The following MPP7 variants were observed in gnomAD, a reference collection of about 807,000 sequenced individuals.
MPP7 encodes the protein MAGUK p55 subfamily member 7.
MPP7 carries 60 observed loss-of-function variants against 76.5 expected under a neutral mutation model. That is an observed-to-expected ratio of 0.78 (90% CI 0.64 to 0.97). MPP7 has a LOEUF of 0.97. Ranked by LOEUF, MPP7 falls within the 50% of genes least tolerant of loss-of-function variation. The probability of loss-of-function intolerance (pLI) is 0.00; values close to 1 mark genes in which losing one functional copy is unlikely to be tolerated. For missense variants in MPP7, 641 were observed against 694.0 expected (o/e 0.92, Z 0.86); for synonymous variants, 237 against 244.5 (o/e 0.97, Z 0.29).
At position 28,097,349 on chromosome 10, in the gene MPP7, T is replaced by C. The variant is rs997860644; in HGVS notation, c.953-7508A>G. 1.2e-4 allele frequency among the ~76,000 whole-genome samples: 18 copies of C among 152,082 alleles called. No individual in the cohort carries two copies. In the East Asian group the frequency reaches 3.5e-3, roughly 29 times the overall value. ...TAATAATATCAAATAATAATAATAA[T>C]ATCAGTATAAGTGGTGGTAGTGGTT... On this transcript the variant is annotated intron_variant, in intron 11 of 16. Transcript: ENST00000683449.
chr10:28,244,737 A>G (rs1241166608), intron 1 of MPP7, among the ~76,000 whole-genome samples: 1 of 152,198 alleles, frequency 6.6e-6, no homozygotes, highest in South Asian at 2.1e-4. Context: ...CCCAGGCTTC[A>G]AGGCTGCTAG....
chr10:28,233,615 G>C (rs987528597), intron 2 of MPP7, among the ~76,000 whole-genome samples: 1 of 151,956 alleles, frequency 6.6e-6, no homozygotes, highest in African/African-American at 2.4e-5. Flanking sequence ...CTACTCAGGA[G>C]GCTGAGGCAG....
intron 10 of MPP7, 97 bp from the exon 11 acceptor site, chr10:28,119,812 T>C: frequency 1.0e-6 from 1 of 992,632 alleles, no homozygotes; most frequent in Non-Finnish European, 1.5e-6. Flanking sequence ...AACTTAAAGG[T>C]TAGAGAAAAA....
At chr10:28,277,505 C>T (rs1018080712) in intron 1 of MPP7, among the ~76,000 whole-genome samples, 1 of 151,932 alleles carries the variant, frequency 6.6e-6, no homozygotes, top group South Asian at 2.1e-4. Flanking sequence ...GCCCATGGGC[C>T]GCAGGTTGGA....
Position 28,120,653 on chromosome 10 carries a change from C to G in MPP7, c.631G>C (p.Ala211Pro), listed in dbSNP as rs201024463. Residue 211 changes from alanine to proline, a missense_variant, in exon 9 of 17, where the codon GCA becomes CCA. By Grantham distance (27) the Ala-to-Pro change is conservative. Transcript: ENST00000683449. Reference sequence around the variant, plus strand: ...CCGGGTATAATCTTAAATGTAATTGCTCCCTGAGACTGAGCCTGGTAACAG... The same window carrying G: ...CCGGGTATAATCTTAAATGTAATTGGTCCCTGAGACTGAGCCTGGTAACAG... ...IIQILAQSQG[A>P]ITFKIIPGSK... The G allele has an allele frequency of 5.5e-5, 88 of 1,613,272 alleles. No individual in the cohort carries two copies. The highest frequency in any genetic ancestry group is 7.2e-5 in the Non-Finnish European group (85 of 1,179,608).
At chr10:28,248,498 C>G (rs79165667) in intron 1 of MPP7, among the ~76,000 whole-genome samples, 1,791 of 152,268 alleles carry the variant, frequency 0.012, 36 homozygotes, top group African/African-American at 0.041. Flanking sequence ...TCCTTGGCCT[C>G]CCTTTCTAAA....
At chr10:28,219,703 G>A (rs1838433166) in intron 2 of MPP7, among the ~76,000 whole-genome samples, 1 of 152,064 alleles carries the variant, frequency 6.6e-6, no homozygotes, top group African/African-American at 2.4e-5. Context: ...GTGCAGTATG[G>A]TCAGGCATCG....
At chr10:28,330,402 A>T (rs1334054144) in intron 1 of MPP7, among the ~76,000 whole-genome samples, 2 of 152,214 alleles carry the variant, frequency 1.3e-5, no homozygotes, top group East Asian at 3.8e-4. Flanking sequence ...CACACCTGTG[A>T]ATAGCTACTG....
intron 2 of MPP7, among the ~76,000 whole-genome samples, chr10:28,228,249 C>T (rs1217163070): frequency 1.3e-5 from 2 of 152,118 alleles, no homozygotes; most frequent in Non-Finnish European, 2.9e-5. Context: ...AATTTCATGA[C>T]ACTGACGATA....
In MPP7 at chr10:28,290,216, A is replaced by G. The variant is rs182032169; in HGVS notation, c.-132+12645T>C. Among the ~76,000 whole-genome samples, 97 of 151,780 alleles carry G rather than the reference A, an allele frequency of 6.4e-4. 3 individuals carry two copies. In the East Asian group the frequency reaches 0.011, roughly 17 times the overall value. On this transcript the variant is annotated intron_variant, in intron 1 of 16. Transcript: ENST00000683449. ...CTTGGAGCAATAACAAAATAAAAGT[A>G]TGCCTTGTATTGATGCCCTATATCC...
intron 1 of MPP7, among the ~76,000 whole-genome samples, chr10:28,262,821 C>T (rs1289717833): frequency 6.6e-6 from 1 of 151,998 alleles, no homozygotes. Flanking sequence ...TTTGGGAGGC[C>T]GAGGTGGGCA....
At chr10:28,251,688 C>T (rs988957967) in intron 1 of MPP7, among the ~76,000 whole-genome samples, 1 of 152,116 alleles carries the variant, frequency 6.6e-6, no homozygotes, top group South Asian at 2.1e-4. Flanking sequence ...CAACACAGAA[C>T]TGATGCAGGC....
rs764218394 is a variant in MPP7, at chr10:28,131,738, T to C, written c.316-47A>G. 1.2e-5 allele frequency: 13 copies of C among 1,064,036 alleles called. No homozygotes were observed. In the South Asian group the frequency reaches 2.1e-4, roughly 17 times the overall value. 65.9% of individuals were successfully genotyped at this position (1,064,036 alleles called of 1,614,324 possible). A position where few individuals can be genotyped will look rare whatever the true frequency, so the allele number is the denominator to read the frequency against. On this transcript the variant is annotated intron_variant, in intron 5 of 16. Transcript: ENST00000683449. ...TTAAATAAGTAAATATACATACTTA[T>C]ATATTATATGTAATATATATAAAAT... is the stretch of plus-strand genomic sequence containing the variant.
At chr10:28,306,331 C>T (rs1841255481), upstream of MPP7, among the ~76,000 whole-genome samples, 1 of 152,080 alleles carries the variant, frequency 6.6e-6, no homozygotes, top group Admixed American at 6.5e-5. Flanking sequence ...ATCTCTTCAC[C>T]CTAATAGAGG....
At chr10:28,290,842 C>A (rs953891955) in intron 1 of MPP7, among the ~76,000 whole-genome samples, 2 of 152,144 alleles carry the variant, frequency 1.3e-5, no homozygotes, top group African/African-American at 4.8e-5. Flanking sequence ...AAGTAACTCA[C>A]CTAGAATCTT....
At chr10:28,108,233 C>T (rs1464573478) in intron 11 of MPP7, among the ~76,000 whole-genome samples, 1 of 152,194 alleles carries the variant, frequency 6.6e-6, no homozygotes, top group East Asian at 1.9e-4. Context: ...ACTAACCTCA[C>T]AGTATTAGAG....
chr10:28,303,089 G>A (rs889733993), upstream of MPP7, among the ~76,000 whole-genome samples: 1 of 152,180 alleles, frequency 6.6e-6, no homozygotes, highest in Non-Finnish European at 1.5e-5. Flanking sequence ...CGGAGGGGCG[G>A]GACCGCGGTT....
At chr10:28,073,542 G>C (rs1370908206) in intron 12 of MPP7, among the ~76,000 whole-genome samples, 1 of 152,120 alleles carries the variant, frequency 6.6e-6, no homozygotes, top group Non-Finnish European at 1.5e-5. Flanking sequence ...GGCCAAGGCA[G>C]GTGGATCATT....
intron 2 of MPP7, among the ~76,000 whole-genome samples, chr10:28,222,577 C>T (rs1450409421): frequency 3.9e-5 from 6 of 151,904 alleles, no homozygotes; most frequent in South Asian, 2.1e-4. Flanking sequence ...TAGTGATGGC[C>T]GGGCAGTGGT....
Sources: gnomAD v4.1 joint callset for allele counts (sites outside exome capture counted in the v4.1 genomes callset) on GRCh38, gnomAD v4.1.1 for gene constraint, MANE v1.5 for transcripts, NCBI Gene and HGNC (gene_info 2026-07-23, HGNC 2026-07-21) for gene names.